The following DOCK8 variants were observed in gnomAD, a reference collection of about 807,000 sequenced individuals.
DOCK8 encodes the protein dedicator of cytokinesis 8.
DOCK8 carries 141 observed loss-of-function variants against 245.6 expected under a neutral mutation model. That is an observed-to-expected ratio of 0.57 (90% confidence interval 0.50 to 0.66). The LOEUF is 0.66. Ranked by LOEUF, DOCK8 falls within the 30% of genes least tolerant of loss-of-function variation. DOCK8 has a pLI of 0.00. For synonymous variants in DOCK8, 1,168 were observed against 970.2 expected, an observed-to-expected ratio of 1.20 and a Z score of -3.79; for missense variants, 2,965 against 2,603.4, an observed-to-expected ratio of 1.14 and a Z score of -3.02.
At chr9:324,489 A>G (rs543620235) in intron 7 of DOCK8, among the ~76,000 whole-genome samples, 1 of 152,272 alleles carries the variant, frequency 6.6e-6, no homozygotes, top group South Asian at 2.1e-4. Flanking sequence ...AATGTCCACC[A>G]AGATACTAAA....
chr9:405,460 G>A (rs1333342487), intron 27 of DOCK8, among the ~76,000 whole-genome samples: 2 of 152,168 alleles, frequency 1.3e-5, no homozygotes, highest in African/African-American at 2.4e-5. Flanking sequence ...CTTTGCAGCA[G>A]GCCCTCTAAG....
chr9:242,806 G>T (rs967383338), intron 1 of DOCK8, among the ~76,000 whole-genome samples: 1 of 150,436 alleles, frequency 6.6e-6, no homozygotes, highest in African/African-American at 2.4e-5. Flanking sequence ...AATCTGTTGA[G>T]CTTGTTTTTT....
chr9:223,086 G>A (rs1350882116), intron 1 of DOCK8, among the ~76,000 whole-genome samples: 4 of 151,956 alleles, frequency 2.6e-5, no homozygotes, highest in African/African-American at 9.7e-5. Context: ...GGGCTAAAAG[G>A]AAACAGTAGT....
rs767736261 is a variant in DOCK8, at chr9:433,881, G to A, written c.4792G>A (p.Glu1598Lys). Residue 1598 changes from glutamate to lysine, a missense_variant, in exon 38 of 48, where the codon GAA becomes AAA. Coordinates refer to ENST00000432829, the MANE Select transcript of DOCK8 (RefSeq NM_203447.4). ...AGGCTTACACTTTTTGCAGGTGGAG[G>A]AACTTCTCTGTAATCTGAATAGCAT... ...QMTPFPTQVE[E>K]LLCNLNSILY... 6.2e-7 allele frequency: 1 copy of A among 1,613,696 alleles called. No individual in the cohort carries two copies. The highest frequency in any genetic ancestry group is 1.1e-5 in the South Asian group (1 of 91,064).
chr9:399,264 G>C lies in DOCK8; in HGVS notation c.3234+5G>C, dbSNP rs1389176615. The stretch of plus-strand genomic sequence containing the variant: ...ATCAGACATTATTGCAGCCAGGTGA[G>C]TGTCCCCCCCACCCCCACCCCCGAG... On this transcript the variant is annotated splice_donor_5th_base_variant and intron_variant, in intron 26 of 47. Coordinates refer to ENST00000432829, the MANE Select transcript of DOCK8 (RefSeq NM_203447.4). 5 of 1,599,686 alleles carry C rather than the reference G, an allele frequency of 3.1e-6. No individual in the cohort carries two copies. The highest frequency in any genetic ancestry group is 4.3e-6 in the Non-Finnish European group (5 of 1,173,948).
At chr9:422,531 A>G (rs1445104570) in intron 33 of DOCK8, among the ~76,000 whole-genome samples, 1 of 152,230 alleles carries the variant, frequency 6.6e-6, no homozygotes, top group Non-Finnish European at 1.5e-5. Flanking sequence ...TATTTATGTC[A>G]GTGCTACTTA....
intron 42 of DOCK8, among the ~76,000 whole-genome samples, chr9:442,514 C>T (rs77889545): frequency 0.035 from 5,404 of 152,262 alleles, 138 homozygotes; most frequent in Middle Eastern, 0.068. Context: ...GTGGCCAGCC[C>T]GGCTCCAACC....
At chr9:390,203 G>T (rs1486330742) in intron 23 of DOCK8, among the ~76,000 whole-genome samples, 1 of 152,074 alleles carries the variant, frequency 6.6e-6, no homozygotes, top group African/African-American at 2.4e-5. Flanking sequence ...GTAGAATAGA[G>T]TTTCACTCCC....
intron 1 of DOCK8, among the ~76,000 whole-genome samples, chr9:224,228 C>A (rs1468966998): frequency 3.3e-5 from 5 of 152,136 alleles, no homozygotes; most frequent in Admixed American, 2.6e-4. Flanking sequence ...TAACCACTTA[C>A]TCATTTCCTG....
chr9:340,553 AG>A (rs2051534578), intron 14 of DOCK8: 1 of 479,754 alleles, frequency 2.1e-6, no homozygotes, highest in African/African-American at 2.0e-5. Flanking sequence ...CCCAGGAGGC[AG>A]AGGTTGCAGT....
intron 22 of DOCK8, among the ~76,000 whole-genome samples, chr9:383,624 C>T (rs1013555335): frequency 3.0e-5 from 4 of 133,260 alleles, no homozygotes; most frequent in African/African-American, 8.2e-5. Context: ...CACGTGAACA[C>T]GGGAGGTGGA....
chr9:426,972 CATT>C lies in DOCK8; in HGVS notation c.4332_4334del (p.Ile1445del), dbSNP rs928534736. On this transcript the variant is annotated inframe_deletion, in exon 34 of 48. Transcript: ENST00000432829. ...TAATCATCCTGGATATGCAGGAAAA[CATT>C]ATCCAGGTGAGGAAAACAAACACCC... 2 of 1,613,482 alleles carry C rather than the reference CATT, an allele frequency of 1.2e-6. No individual in the cohort carries two copies. Among genetic ancestry groups the C allele is most frequent in the Non-Finnish European group, 1.7e-6 (2 of 1,179,582 alleles).
At chr9:355,216 T>C (rs1379496952) in intron 14 of DOCK8, among the ~76,000 whole-genome samples, 1 of 130,148 alleles carries the variant, frequency 7.7e-6, no homozygotes, top group Non-Finnish European at 1.7e-5. Flanking sequence ...TTTTTTTTTT[T>C]TTTTTTGAGA....
At chr9:336,977 C>T (rs1026549873) in intron 12 of DOCK8, among the ~76,000 whole-genome samples, 2 of 152,122 alleles carry the variant, frequency 1.3e-5, no homozygotes, top group African/African-American at 2.4e-5. Flanking sequence ...GCTGGCGGGG[C>T]CTCTCTGTAG....
At chr9:302,750 T>C (rs1042509790) in intron 4 of DOCK8, among the ~76,000 whole-genome samples, 3 of 152,162 alleles carry the variant, frequency 2.0e-5, no homozygotes, top group Non-Finnish European at 4.4e-5. Context: ...GAAAAAATGC[T>C]TAACATCACT....
intron 9 of DOCK8, among the ~76,000 whole-genome samples, chr9:328,758 G>A (rs1220362055): frequency 6.6e-6 from 1 of 150,936 alleles, no homozygotes; most frequent in Admixed American, 6.6e-5. Flanking sequence ...GTCACAGACT[G>A]TCTCTAATGA....
intron 4 of DOCK8, among the ~76,000 whole-genome samples, chr9:303,416 A>G (rs992004634): frequency 6.6e-6 from 1 of 152,232 alleles, no homozygotes; most frequent in African/African-American, 2.4e-5. Context: ...CTAGATAAAG[A>G]AAATTTGGTA....
intron 1 of DOCK8, among the ~76,000 whole-genome samples, chr9:241,879 G>A (rs2047381650): frequency 6.6e-6 from 1 of 152,156 alleles, no homozygotes; most frequent in African/African-American, 2.4e-5. Context: ...CTCCTGAGTA[G>A]CTAGGATTAC....
At chr9:383,750 A>G (rs1253392897) in intron 22 of DOCK8, among the ~76,000 whole-genome samples, 3 of 148,976 alleles carry the variant, frequency 2.0e-5, no homozygotes, top group Non-Finnish European at 4.5e-5. Flanking sequence ...GCCAAATTTT[A>G]CAAGCATATA....
Sources: gnomAD v4.1 joint callset for allele counts (sites outside exome capture counted in the v4.1 genomes callset) on GRCh38, gnomAD v4.1.1 for gene constraint, MANE v1.5 for transcripts, NCBI Gene and HGNC (gene_info 2026-07-23, HGNC 2026-07-21) for gene names.